The following SOX6 variants were observed in gnomAD, a reference collection of about 807,000 sequenced individuals.
SOX6 encodes transcription factor SOX-6.
A neutral mutation model predicts 97.8 loss-of-function variants in SOX6; 11 were observed. The observed-to-expected ratio is 0.11, with a 90% CI of 0.07 to 0.19. SOX6 has a LOEUF of 0.19. Among genes scored for constraint, SOX6 ranks in the 10% least tolerant of loss-of-function variants. The pLI, the probability that SOX6 is intolerant of heterozygous loss-of-function variation, is 1.00. For missense variants in SOX6, 810 were observed against 1,039.5 expected (o/e 0.78, Z 3.04); for synonymous variants, 360 against 371.4 (o/e 0.97, Z 0.35).
chr11:16,135,068 A>G (rs1457175309), intron 6 of SOX6, among the ~76,000 whole-genome samples: 1 of 152,214 alleles, frequency 6.6e-6, no homozygotes, highest in Non-Finnish European at 1.5e-5. Context: ...CCTGTGCTCT[A>G]TAAGTGGAAG....
intron 3 of SOX6, among the ~76,000 whole-genome samples, chr11:16,285,956 G>T (rs1229870301): frequency 1.3e-5 from 2 of 151,950 alleles, no homozygotes; most frequent in African/African-American, 2.4e-5. Context: ...TACATATTTG[G>T]CATAGAAAAA....
chr11:16,733,583 G>C (rs1357314481), intron 2 of SOX6, among the ~76,000 whole-genome samples: 5 of 150,942 alleles, frequency 3.3e-5, no homozygotes, highest in Non-Finnish European at 7.4e-5. Context: ...TGTTGGGGGT[G>C]GGGGGCTAGG....
intron 1 of SOX6, among the ~76,000 whole-genome samples, chr11:16,409,635 T>G (rs1858757375): frequency 6.6e-6 from 1 of 151,980 alleles, no homozygotes; most frequent in Non-Finnish European, 1.5e-5. Context: ...AACAAATAAG[T>G]TTTGTCACGG....
At chr11:16,083,084 A>G (rs79382667) in intron 9 of SOX6, among the ~76,000 whole-genome samples, 1 of 152,138 alleles carries the variant, frequency 6.6e-6, no homozygotes, top group African/African-American at 2.4e-5. Context: ...TTAAGATTCA[A>G]TTTTAACATC....
chr11:16,148,258 T>C (rs1201631847), intron 6 of SOX6, among the ~76,000 whole-genome samples: 5 of 152,240 alleles, frequency 3.3e-5, no homozygotes, highest in Middle Eastern at 3.4e-3. Context: ...TTGAATAATA[T>C]GGGAGGAAAT....
intron 1 of SOX6, among the ~76,000 whole-genome samples, chr11:16,436,770 C>T (rs1365344530): frequency 5.9e-5 from 9 of 152,094 alleles, no homozygotes; most frequent in South Asian, 2.1e-4. Flanking sequence ...AAGAATTTTT[C>T]GGTAAATGAC....
At position 16,711,478 on chromosome 11, in the gene SOX6, G is replaced by A. The variant is rs535912918; in HGVS notation, n.429+3352C>T. On this transcript the variant is annotated intron_variant and non_coding_transcript_variant, in intron 3 of 5. Coordinates refer to the SOX6 transcript ENST00000524520. The stretch of plus-strand genomic sequence containing the variant: ...GTGGAAGCTCCAGTTAGCTGTGATC[G>A]TGCTACTGCACTCCAGCCTGGACGA... 1.4e-4 allele frequency among the ~76,000 whole-genome samples: 22 copies of A among 152,264 alleles called. No homozygotes were observed. In the East Asian group the frequency reaches 1.5e-3, roughly 11 times the overall value.
At chr11:16,704,192 G>T (rs968336358) in intron 3 of SOX6, among the ~76,000 whole-genome samples, 2 of 152,126 alleles carry the variant, frequency 1.3e-5, no homozygotes, top group Non-Finnish European at 2.9e-5. Flanking sequence ...CAGCTAAAAT[G>T]ATCTTCATTT....
chr11:16,159,969 G>A lies in SOX6; in HGVS notation c.777+23917C>T, dbSNP rs114410483. 1.7e-3 allele frequency among the ~76,000 whole-genome samples: 258 copies of A among 152,190 alleles called. 2 individuals carry two copies. The highest frequency in any genetic ancestry group is 4.2e-3 in the African/African-American group (175 of 41,534). Reference sequence around the variant, plus strand: ...GACAAAGTCATGGGGTGGGAAACTCGGAAAGGGGACTAACATACCAGAAAT... The same window carrying A: ...GACAAAGTCATGGGGTGGGAAACTCAGAAAGGGGACTAACATACCAGAAAT... On this transcript the variant is annotated intron_variant, in intron 6 of 15. Transcript: ENST00000683767.
intron 12 of SOX6, among the ~76,000 whole-genome samples, chr11:16,041,952 T>A (rs1007946930): frequency 6.6e-6 from 1 of 151,988 alleles, no homozygotes; most frequent in Non-Finnish European, 1.5e-5. Context: ...GAAAGAAAAA[T>A]TTAAAAACTA....
chr11:16,183,088 C>T (rs1247807406), intron 6 of SOX6, among the ~76,000 whole-genome samples: 1 of 151,854 alleles, frequency 6.6e-6, no homozygotes, highest in Non-Finnish European at 1.5e-5. Flanking sequence ...GGATTAGTCA[C>T]TAGACAGCCA....
Position 15,988,983 on chromosome 11 carries a change from A to AC in SOX6, c.1966+13dup. 1 of 1,608,688 alleles carries AC rather than the reference A, an allele frequency of 6.2e-7. No homozygotes were observed. The highest frequency in any genetic ancestry group is 8.5e-7 in the Non-Finnish European group (1 of 1,175,002). ...AGGGGAGAAGATCAGCTTTAGCTGC[A>AC]CTGCTGCACTCACCTAAGATTTTGC... On this transcript the variant is annotated intron_variant, in intron 14 of 15. Coordinates refer to ENST00000683767, the MANE Select transcript of SOX6 (RefSeq NM_001367873.1).
At chr11:16,125,103 A>T (rs1849577410) in intron 6 of SOX6, among the ~76,000 whole-genome samples, 1 of 152,044 alleles carries the variant, frequency 6.6e-6, no homozygotes, top group Non-Finnish European at 1.5e-5. Flanking sequence ...CTAAAATATG[A>T]TCTTTCTAGT....
At chr11:16,198,596 C>A (rs553618966) in intron 4 of SOX6, among the ~76,000 whole-genome samples, 1 of 151,884 alleles carries the variant, frequency 6.6e-6, no homozygotes, top group Admixed American at 6.6e-5. Context: ...AATATAATAC[C>A]ACAACTGGTA....
At chr11:16,528,635 A>G (rs1861199812) in intron 4 of SOX6, among the ~76,000 whole-genome samples, 1 of 152,096 alleles carries the variant, frequency 6.6e-6, no homozygotes, top group South Asian at 2.1e-4. Context: ...ATGTAAGGGT[A>G]GTGAAAAAGA....
intron 7 of SOX6, among the ~76,000 whole-genome samples, chr11:16,105,738 G>A (rs531934378): frequency 6.6e-6 from 1 of 152,024 alleles, no homozygotes; most frequent in Non-Finnish European, 1.5e-5. Flanking sequence ...GAAATAAAAT[G>A]TATCAAATTG....
chr11:15,971,116 G>A lies in SOX6; in HGVS notation c.*1693C>T, dbSNP rs1853290796. On this transcript the variant is annotated 3_prime_UTR_variant, in exon 16 of 16. Coordinates refer to ENST00000683767, the MANE Select transcript of SOX6 (RefSeq NM_001367873.1). ...GTGGCTACAGATAGAGTCAGCCAGA[G>A]GAACTCATCTGCTGCCCCCGGAGCT... 6.6e-6 allele frequency: 1 copy of A among 152,520 alleles called. No individual in the cohort carries two copies. Among genetic ancestry groups the A allele is most frequent in the South Asian group, 2.1e-4 (1 of 4,838 alleles). 9.4% of individuals were successfully genotyped at this position (152,520 alleles called of 1,614,324 possible).
intron 3 of SOX6, among the ~76,000 whole-genome samples, chr11:16,626,863 A>C (rs1436955881): frequency 6.6e-6 from 1 of 152,148 alleles, no homozygotes; most frequent in Non-Finnish European, 1.5e-5. Context: ...ATACATGTGC[A>C]GGTGTGTTAC....
intron 1 of SOX6, among the ~76,000 whole-genome samples, chr11:16,355,165 A>G (rs1857041061): frequency 6.6e-6 from 1 of 152,166 alleles, no homozygotes; most frequent in South Asian, 2.1e-4. Context: ...TGAGATCACT[A>G]TTTCCACAAT....
Sources: allele counts gnomAD v4.1 joint callset (sites outside exome capture counted in the v4.1 genomes callset), GRCh38; gene constraint gnomAD v4.1.1; transcripts MANE v1.5; gene names NCBI Gene and HGNC (gene_info 2026-07-23, HGNC 2026-07-21).